DMD: variants seen among roughly 807,000 people sequenced by gnomAD.
The protein encoded by DMD is mutant dystrophin.
DMD carries 63 observed loss-of-function variants against 330.1 expected under a neutral mutation model. The ratio of observed to expected loss-of-function variants is 0.19; its 90% CI spans 0.16 to 0.24. The LOEUF (loss-of-function observed/expected upper bound fraction) is 0.24. Ranked by LOEUF, DMD falls within the 10% of genes least tolerant of loss-of-function variation. The pLI, the probability that DMD is intolerant of heterozygous loss-of-function variation, is 1.00. For synonymous variants in DMD, 1,223 were observed against 959.8 expected (o/e 1.27, Z -5.07); for missense variants, 3,344 against 2,684.1 (o/e 1.25, Z -5.43).
intron 53 of DMD, among the ~76,000 whole-genome samples, chrX:31,664,667 T>G (rs945331299): frequency 5.7e-5 from 6 of 104,806 alleles, no homozygotes; most frequent in Admixed American, 2.1e-4. Flanking sequence ...ATCATAAGTT[T>G]TTTTTTTTTT....
intron 1 of DMD, among the ~76,000 whole-genome samples, chrX:33,163,297 G>A (rs906889530): frequency 6.4e-5 from 7 of 109,828 alleles, no homozygotes; most frequent in African/African-American, 2.3e-4. Context: ...AGCACTTTGC[G>A]AGGCCGAGGC....
rs749294333 is a variant in DMD, at chrX:31,760,775, C to A, written c.7542+13185G>T. 9.0e-5 allele frequency among the ~76,000 whole-genome samples: 10 copies of A among 111,286 alleles called. No individual in the cohort carries two copies. The South Asian group carries it at 3.8e-3, about 42-fold the overall frequency. On this transcript the variant is annotated intron_variant, in intron 51 of 78. Transcript: ENST00000357033. ...CCTATGCATCACCTCCAAAATTTTT[C>A]TCTTACCTTCCTTATTTACTATTAT...
intron 2 of DMD, among the ~76,000 whole-genome samples, chrX:32,999,649 G>A (rs1265309927): frequency 9.0e-6 from 1 of 110,689 alleles, no homozygotes; most frequent in African/African-American, 3.3e-5. Context: ...GGTGGCACGT[G>A]CCTGTAGTCC....
At chrX:33,328,696 T>A (rs1332120243) in intron 1 of DMD, among the ~76,000 whole-genome samples, 1 of 111,377 alleles carries the variant, frequency 9.0e-6, no homozygotes, top group Non-Finnish European at 1.9e-5. Flanking sequence ...CCCTACATGG[T>A]TTACTAGAAA....
intron 1 of DMD, among the ~76,000 whole-genome samples, chrX:33,079,264 G>C (rs187513829): frequency 2.7e-5 from 3 of 111,270 alleles, no homozygotes. Context: ...TGCCCACCTC[G>C]GCCTCCTAAC....
At chrX:31,909,769 G>A (rs1053364992) in intron 47 of DMD, among the ~76,000 whole-genome samples, 1 of 112,175 alleles carries the variant, frequency 8.9e-6, no homozygotes, top group African/African-American at 3.2e-5. Context: ...CTCTCGGTTA[G>A]TGTTAACAAA....
intron 30 of DMD, among the ~76,000 whole-genome samples, chrX:32,407,816 C>CT (rs1265464393): frequency 5.5e-5 from 6 of 108,868 alleles, no homozygotes; most frequent in Non-Finnish European, 1.1e-4. Context: ...AGTTCATGTC[C>CT]TTTGTAGGGA....
chrX:33,223,829 T>C (rs2052233888), intron 1 of DMD, among the ~76,000 whole-genome samples: 2 of 112,045 alleles, frequency 1.8e-5, no homozygotes, highest in Admixed American at 1.9e-4. Flanking sequence ...GCAAAAGACA[T>C]ATCAGGTAAT....
Position 33,313,135 on chromosome X carries a change from T to C in DMD, c.7+26124A>G, listed in dbSNP as rs754757610. ...TACACACAAATGGCTGTGAAAATGC[T>C]ATGAGCATTGATTTTAGGGATACAA... is the stretch of plus-strand genomic sequence containing the variant. On this transcript the variant is annotated intron_variant, in intron 1 of 17. Coordinates refer to the DMD transcript ENST00000288447. 2.7e-5 allele frequency among the ~76,000 whole-genome samples: 3 copies of C among 111,876 alleles called. No homozygotes were observed. The East Asian group carries it at 8.4e-4, about 31-fold the overall frequency.
chrX:32,816,394 C>T, intron 6 of DMD, 74 bp downstream of exon 6: 1 of 1,120,485 alleles, frequency 8.9e-7, no homozygotes, highest in South Asian at 1.8e-5. Flanking sequence ...TGGAACCATA[C>T]TGGGGAAAAA....
Position 33,259,522 on chromosome X carries a change from T to C in DMD, c.7+79737A>G, listed in dbSNP as rs560611555. On this transcript the variant is annotated intron_variant, in intron 1 of 17. Coordinates refer to the DMD transcript ENST00000288447. Reference sequence around the variant, plus strand: ...ATAAGATGTCCAAAGCAAATGCTCATTGGAGCATTTTGGATTTCAAATTTT... The same window carrying C: ...ATAAGATGTCCAAAGCAAATGCTCACTGGAGCATTTTGGATTTCAAATTTT... 2.0e-4 allele frequency among the ~76,000 whole-genome samples: 21 copies of C among 107,630 alleles called. No homozygotes were observed. In the South Asian group the frequency reaches 7.6e-3, roughly 39 times the overall value. 93.5% of individuals were successfully genotyped at this position (107,630 alleles called of 115,157 possible). A position where few individuals can be genotyped will look rare whatever the true frequency, so the allele number is the denominator to read the frequency against.
At chrX:31,767,592 C>T (rs1259170208) in intron 51 of DMD, among the ~76,000 whole-genome samples, 1 of 112,093 alleles carries the variant, frequency 8.9e-6, no homozygotes, top group African/African-American at 3.2e-5. Flanking sequence ...GTAATAGCCA[C>T]TTTCTGCTGG....
Position 31,851,239 on chromosome X carries a change from T to C in DMD, c.7099-14420A>G, listed in dbSNP as rs143813939. Among the ~76,000 whole-genome samples the C allele has an allele frequency of 3.0e-3, 331 of 111,190 alleles. 2 individuals are homozygous for C. The highest frequency in any genetic ancestry group is 9.9e-3 in the African/African-American group (304 of 30,587). Reference sequence around the variant, plus strand: ...CTGATTGACAAAGAATGACAGGTTCTCTCTTCCCATTTTGAACTAATCAAG... The same window carrying C: ...CTGATTGACAAAGAATGACAGGTTCCCTCTTCCCATTTTGAACTAATCAAG... On this transcript the variant is annotated intron_variant, in intron 48 of 78. Coordinates refer to ENST00000357033, the MANE Select transcript of DMD (RefSeq NM_004006.3).
At chrX:31,667,094 C>T (rs1235365927) in intron 53 of DMD, among the ~76,000 whole-genome samples, 1 of 111,321 alleles carries the variant, frequency 9.0e-6, no homozygotes, top group East Asian at 2.9e-4. Context: ...CCCAATGAAA[C>T]CCATACCAAT....
At chrX:32,902,940 C>A (rs182807414) in intron 2 of DMD, among the ~76,000 whole-genome samples, 1 of 107,982 alleles carries the variant, frequency 9.3e-6, no homozygotes, top group South Asian at 3.9e-4. Context: ...GTGGATCACC[C>A]GAGGTCAGGA....
intron 60 of DMD, among the ~76,000 whole-genome samples, chrX:31,410,348 C>T (rs1051809841): frequency 6.3e-5 from 7 of 111,700 alleles, no homozygotes; most frequent in Non-Finnish European, 9.4e-5. Flanking sequence ...TTTGCTGCAT[C>T]GTGCTTCTAG....
At chrX:32,693,885 T>C (rs759945260) in intron 9 of DMD, among the ~76,000 whole-genome samples, 94 of 111,585 alleles carry the variant, frequency 8.4e-4, no homozygotes, top group African/African-American at 2.3e-3. Flanking sequence ...GGATATAAAC[T>C]AGAGAGAGCA....
At chrX:32,294,581 G>A (rs1386540064) in intron 42 of DMD, among the ~76,000 whole-genome samples, 1 of 111,566 alleles carries the variant, frequency 9.0e-6, no homozygotes, top group African/African-American at 3.3e-5. Flanking sequence ...TGTACAGCAT[G>A]TTACTAACGC....
At chrX:33,122,424 T>C (rs777076691) in intron 1 of DMD, among the ~76,000 whole-genome samples, 11 of 112,196 alleles carry the variant, frequency 9.8e-5, no homozygotes, top group Non-Finnish European at 1.5e-4. Context: ...AATTTCATTA[T>C]CTTTAATTAC....
Sources: allele counts gnomAD v4.1 joint callset (sites outside exome capture counted in the v4.1 genomes callset), GRCh38; gene constraint gnomAD v4.1.1; transcripts MANE v1.5; gene names NCBI Gene and HGNC (gene_info 2026-07-23, HGNC 2026-07-21).